CTTN: variants seen among roughly 807,000 people sequenced by gnomAD.
CTTN encodes the protein cortactin, also known as src substrate cortactin.
A neutral mutation model predicts 84.0 loss-of-function variants in CTTN; 28 were observed. The observed-to-expected ratio is 0.33, with a 90% CI of 0.25 to 0.46. CTTN has a LOEUF of 0.46. Ranked by LOEUF, CTTN falls within the 20% of genes least tolerant of loss-of-function variation. The pLI is 1.00. For missense variants in CTTN, 641 were observed against 723.8 expected, an observed-to-expected ratio of 0.89 and a Z score of 1.31; for synonymous variants, 301 against 288.8, an observed-to-expected ratio of 1.04 and a Z score of -0.43.
At chr11:70,414,911 G>T (rs1364446573) in intron 6 of CTTN, among the ~76,000 whole-genome samples, 1 of 152,184 alleles carries the variant, frequency 6.6e-6, no homozygotes, top group Admixed American at 6.5e-5. Context: ...CCCTGTGTCT[G>T]TCCCAATGTG....
chr11:70,417,872 C>T (rs1489471374), intron 8 of CTTN, among the ~76,000 whole-genome samples: 1 of 152,208 alleles, frequency 6.6e-6, no homozygotes, highest in Non-Finnish European at 1.5e-5. Flanking sequence ...AACTCCTAGA[C>T]ATGGAATTGC....
chr11:70,422,705 A>AG (rs2058252175), intron 11 of CTTN: 1 of 1,439,394 alleles, frequency 6.9e-7, no homozygotes. Context: ...CCTGCCCCTC[A>AG]GGGAATGCTG....
chr11:70,400,393 T>C (rs1012556332), intron 1 of CTTN, among the ~76,000 whole-genome samples: 3 of 151,678 alleles, frequency 2.0e-5, no homozygotes, highest in East Asian at 2.0e-4. Context: ...AGCCCAGGAG[T>C]TGGAGGCTGC....
rs557813079 is a variant in CTTN at position 70,434,168 on chromosome 11, A to G, written c.1516+450A>G. Among the ~76,000 whole-genome samples, 52 of 152,244 alleles carry G rather than the reference A, an allele frequency of 3.4e-4. No homozygotes were observed. The East Asian group carries it at 9.7e-3, about 28-fold the overall frequency. On this transcript the variant is annotated intron_variant, in intron 17 of 17. Transcript: ENST00000301843. ...CCTGAGTTCCCTTTGCGGCCTTGGC[A>G]GTTTAAGAGCAGCCTCAGCTCCTGG... is the stretch of plus-strand genomic sequence containing the variant.
At chr11:70,426,303 CG>C (rs1204416242) in intron 13 of CTTN, among the ~76,000 whole-genome samples, 1 of 151,006 alleles carries the variant, frequency 6.6e-6, no homozygotes. Context: ...CCCAGCTACT[CG>C]GGAGGCTGAG....
At chr11:70,417,874 T>G (rs569562993) in intron 8 of CTTN, among the ~76,000 whole-genome samples, 44 of 152,302 alleles carry the variant, frequency 2.9e-4, no homozygotes, top group African/African-American at 1.1e-3. Flanking sequence ...CTCCTAGACA[T>G]GGAATTGCTG....
rs1333688363 is a variant in CTTN, at chr11:70,419,812, G to A, written c.635G>A (p.Gly212Asp). 1.2e-6 allele frequency: 2 copies of A among 1,613,440 alleles called. No individual in the cohort carries two copies. Among genetic ancestry groups the A allele is most frequent in the African/African-American group, 1.3e-5 (1 of 74,880 alleles). The change falls in exon 9 of 18, where the codon GGC becomes GAC. Residue 212 changes from glycine to aspartate, a missense_variant. Coordinates refer to ENST00000301843, the MANE Select transcript of CTTN (RefSeq NM_005231.4). ...DKDKVDKSAV[G>D]FEYQGKTEKH... Reference sequence around the variant, plus strand: ...GACAAAGTGGATAAGAGCGCCGTTGGCTTTGAGTATCAAGGCAAAACGGAG... The same window carrying A: ...GACAAAGTGGATAAGAGCGCCGTTGACTTTGAGTATCAAGGCAAAACGGAG...
intron 11 of CTTN, 197 bp from the exon 12 acceptor site, chr11:70,422,743 C>A: frequency 6.9e-7 from 1 of 1,455,582 alleles, no homozygotes; most frequent in Admixed American, 2.2e-5. Context: ...CTGTGCTCTG[C>A]TTCTCACTGC....
chr11:70,434,769 C>CCT (rs2058395818), intron 17 of CTTN, among the ~76,000 whole-genome samples: 1 of 152,228 alleles, frequency 6.6e-6, no homozygotes, highest in Non-Finnish European at 1.5e-5. Context: ...TGGAAACCTG[C>CCT]TCCTGAGGAA....
rs2058327817 is a variant in CTTN, at chr11:70,429,107, G to A, written c.1084G>A (p.Glu362Lys). 1 of 1,614,222 alleles carries A rather than the reference G, an allele frequency of 6.2e-7. No individual in the cohort carries two copies. Among genetic ancestry groups the A allele is most frequent in the Non-Finnish European group, 8.5e-7 (1 of 1,180,040 alleles). Residue 362 changes from glutamate to lysine, a missense_variant, in exon 14 of 18, where the codon GAG (glutamate) becomes AAG (lysine). Glu to Lys is a moderately conservative substitution (Grantham distance 56). This residue lies in a region of CTTN where 289 missense variants were observed against 273.1 expected (regional missense o/e 1.06). Transcript: ENST00000301843. ...CTTTGAAAACCTCGCTAAGGAGAAA[G>A]AGCAGGAGGACAGGCGGAAGGCGGA... is the stretch of plus-strand genomic sequence containing the variant. ...ANFENLAKEK[E>K]QEDRRKAEAE...
At chr11:70,421,734 C>G in intron 11 of CTTN, 154 bp downstream of exon 11, 1 of 631,234 alleles carries the variant, frequency 1.6e-6, no homozygotes, top group Admixed American at 2.8e-5. Flanking sequence ...AAACCCATTT[C>G]TAGTAGAGCG....
In CTTN at chr11:70,433,012, C is replaced by T. The variant is rs576058464; in HGVS notation, c.1267-89C>T. On this transcript the variant is annotated intron_variant, in intron 15 of 17. Transcript: ENST00000301843. ...GGCTGGGACTGAGAATTAGATGGCC[C>T]GTGGGTTTCTGCTGGCTGTGGCAGT... 40 of 1,361,462 alleles carry T rather than the reference C, an allele frequency of 2.9e-5. No individual in the cohort carries two copies. In the East Asian group the frequency reaches 3.9e-4, roughly 13 times the overall value. 84.3% of individuals were successfully genotyped at this position (1,361,462 alleles called of 1,614,324 possible). A position where few individuals can be genotyped will look rare whatever the true frequency, so the allele number is the denominator to read the frequency against.
intron 8 of CTTN, among the ~76,000 whole-genome samples, chr11:70,418,121 CAA>C (rs67443900): frequency 3.8e-4 from 54 of 143,316 alleles, no homozygotes; most frequent in Admixed American, 1.5e-3. Flanking sequence ...TTTAAAAACT[CAA>C]AAAAAAAAAA....
intron 8 of CTTN, among the ~76,000 whole-genome samples, chr11:70,417,836 T>G (rs992032428): frequency 6.6e-6 from 1 of 152,214 alleles, no homozygotes; most frequent in African/African-American, 2.4e-5. Context: ...CTGTGTTTTG[T>G]TCACAAGTGA....
At chr11:70,434,039 C>T (rs1465786512) in intron 17 of CTTN, among the ~76,000 whole-genome samples, 1 of 152,216 alleles carries the variant, frequency 6.6e-6, no homozygotes, top group Non-Finnish European at 1.5e-5. Context: ...CACAGGGACA[C>T]CCCACCCTCC....
intron 4 of CTTN, among the ~76,000 whole-genome samples, chr11:70,409,120 C>A (rs184787980): frequency 3.0e-4 from 46 of 152,118 alleles, no homozygotes; most frequent in African/African-American, 1.1e-3. Flanking sequence ...GGTTTCCAAG[C>A]CTGGTTTGTA....
intron 13 of CTTN, among the ~76,000 whole-genome samples, 197 bp downstream of exon 13, chr11:70,425,598 C>G (rs114817030): frequency 1.3e-5 from 2 of 152,212 alleles, no homozygotes; most frequent in African/African-American, 4.8e-5. Flanking sequence ...ACCTTTTAGA[C>G]GCAGCATGGT....
intron 1 of CTTN, among the ~76,000 whole-genome samples, chr11:70,401,744 G>A (rs527635823): frequency 2.0e-5 from 3 of 152,016 alleles, no homozygotes; most frequent in Admixed American, 2.0e-4. Context: ...TGAGGTGGGA[G>A]GATCACCTGA....
In CTTN at chr11:70,435,135, A is replaced by T. The variant is rs754143663; in HGVS notation, c.1626A>T (p.Pro542=). 1.9e-6 allele frequency: 3 copies of T among 1,612,764 alleles called. 1 individual carries two copies. The South Asian group carries it at 3.3e-5, about 18-fold the overall frequency. Residue 542 remains proline (P), a synonymous_variant, in exon 18 of 18, where the codon CCA becomes CCT. Coordinates refer to ENST00000301843, the MANE Select transcript of CTTN (RefSeq NM_005231.4). ...GCAAGGGCCGGTACGGGCTCTTCCCAGCCAACTATGTGGAGCTGCGGCAGT... is the reference window on the plus strand; with the variant it reads ...GCAAGGGCCGGTACGGGCTCTTCCCTGCCAACTATGTGGAGCTGCGGCAGT... ...GVCKGRYGLF[P]ANYVELRQ
Sources: gnomAD v4.1 joint callset for allele counts (sites outside exome capture counted in the v4.1 genomes callset) on GRCh38, gnomAD v4.1.1 for gene constraint, gnomAD v4.1.1 regional missense constraint, MANE v1.5 for transcripts, NCBI Gene and HGNC (gene_info 2026-07-23, HGNC 2026-07-21) for gene names.